NSUN6: variants seen among roughly 807,000 people sequenced by gnomAD.
NSUN6 encodes tRNA (cytosine(72)-C(5))-methyltransferase NSUN6.
In NSUN6, 64 loss-of-function variants were observed where a neutral mutation model predicts 58.0. The ratio of observed to expected loss-of-function variants is 1.10; its 90% confidence interval spans 0.90 to 1.36. NSUN6 has a LOEUF of 1.36. Ranked by LOEUF, NSUN6 falls within the 40% of genes most tolerant of loss-of-function variation. The pLI, the probability that NSUN6 is intolerant of heterozygous loss-of-function variation, is 0.00. For synonymous variants in NSUN6, 231 were observed against 193.9 expected, an observed-to-expected ratio of 1.19 and a Z score of -1.59; for missense variants, 701 against 550.1, an observed-to-expected ratio of 1.27 and a Z score of -2.74.
intron 3 of NSUN6, among the ~76,000 whole-genome samples, chr10:18,634,552 C>A (rs1258057834): frequency 6.6e-5 from 10 of 151,422 alleles, no homozygotes; most frequent in Non-Finnish European, 1.2e-4. Context: ...GAGATTGAGA[C>A]CATCCCGGCT....
intron 6 of NSUN6, among the ~76,000 whole-genome samples, chr10:18,601,740 C>T (rs1398787120): frequency 6.6e-6 from 1 of 151,976 alleles, no homozygotes; most frequent in Non-Finnish European, 1.5e-5. Context: ...CCCAGGACTT[C>T]GGGAAGCTGA....
rs1316638916 is a variant in NSUN6, at chr10:18,561,740, A to G, written c.923-9769T>C. Among the ~76,000 whole-genome samples, 217 of 149,784 alleles carry G rather than the reference A, an allele frequency of 1.4e-3. 2 individuals are homozygous for G. Among genetic ancestry groups the G allele is most frequent in the African/African-American group, 5.0e-3 (203 of 40,374 alleles). On this transcript the variant is annotated intron_variant, in intron 8 of 10. Coordinates refer to ENST00000377304, the MANE Select transcript of NSUN6 (RefSeq NM_182543.5). ...TGGAGAAAGGAATAGAATATGGAAT[A>G]GAATGGAGAAAGGAATAGAATATGG...
rs751530253 is a variant in NSUN6 at position 18,545,942 on chromosome 10, T to C, written c.1401A>G (p.Lys467=). 1.7e-5 allele frequency: 27 copies of C among 1,564,632 alleles called. No individual in the cohort carries two copies. Among genetic ancestry groups the C allele is most frequent in the Non-Finnish European group, 2.3e-5 (27 of 1,150,074 alleles). Residue 467 remains lysine (K), a synonymous_variant, in exon 11 of 11, where the codon AAA becomes AAG. Transcript: ENST00000377304. ...GFFIAKFVKC[K]ST is the part of the protein sequence containing the mutation. ...AGCATCCATCCCTCTCCTATGTGCT[T>C]TTGCATTTTACAAATTTTGCAATAA...
intron 3 of NSUN6, among the ~76,000 whole-genome samples, chr10:18,619,573 A>G (rs2058528400): frequency 6.6e-6 from 1 of 152,136 alleles, no homozygotes; most frequent in African/African-American, 2.4e-5. Flanking sequence ...CCTCTAATAT[A>G]TCAACTACAT....
intron 8 of NSUN6, among the ~76,000 whole-genome samples, chr10:18,576,768 C>A (rs943802671): frequency 6.6e-6 from 1 of 152,142 alleles, no homozygotes; most frequent in African/African-American, 2.4e-5. Flanking sequence ...TGTTCGTCCC[C>A]GAGCAGATTG....
At chr10:18,574,188 G>GCATC (rs1180972510) in intron 8 of NSUN6, among the ~76,000 whole-genome samples, 4 of 152,158 alleles carry the variant, frequency 2.6e-5, no homozygotes, top group Middle Eastern at 3.4e-3. Context: ...TGGCCTCAAT[G>GCATC]CATCCAGTCC....
intron 3 of NSUN6, among the ~76,000 whole-genome samples, chr10:18,637,009 C>T (rs1470104709): frequency 6.8e-6 from 1 of 146,232 alleles, no homozygotes; most frequent in African/African-American, 2.5e-5. Context: ...ATCGTCCGGG[C>T]TCCAGTGCAA....
intron 5 of NSUN6, among the ~76,000 whole-genome samples, chr10:18,611,251 A>C (rs900762832): frequency 2.0e-5 from 3 of 152,166 alleles, no homozygotes; most frequent in Admixed American, 6.5e-5. Flanking sequence ...TTAAGGGTAC[A>C]ATCCAAGGAG....
intron 7 of NSUN6, among the ~76,000 whole-genome samples, chr10:18,595,314 C>G (rs1033242402): frequency 6.6e-6 from 1 of 152,222 alleles, no homozygotes; most frequent in African/African-American, 2.4e-5. Context: ...AATATCCAGA[C>G]TCCCTTTGGA....
chr10:18,650,516 C>T (rs767769480), intron 1 of NSUN6, among the ~76,000 whole-genome samples: 116 of 152,290 alleles, frequency 7.6e-4, no homozygotes, highest in Non-Finnish European at 1.0e-3. Context: ...ACGTAATTTA[C>T]AAAGCACTAG....
At chr10:18,566,898 A>T (rs879565366) in intron 8 of NSUN6, among the ~76,000 whole-genome samples, 3 of 131,694 alleles carry the variant, frequency 2.3e-5, no homozygotes, top group Admixed American at 7.8e-5. Context: ...ATTCCTTTCC[A>T]TTGTCCATTC....
Position 18,546,643 on chromosome 10 carries a change from C to T in NSUN6, c.1198-498G>A, listed in dbSNP as rs550761275. ...CTATAATCCCAGCACTTAGGGAGGC[C>T]GAGGCGGGCTGATTACCTGAGGTCA... On this transcript the variant is annotated intron_variant, in intron 10 of 10. Transcript: ENST00000377304. Among the ~76,000 whole-genome samples the T allele has an allele frequency of 5.3e-5, 8 of 152,114 alleles. No individual in the cohort carries two copies. In the East Asian group the frequency reaches 5.8e-4, roughly 11 times the overall value.
chr10:18,550,368 G>T (rs546508059), intron 9 of NSUN6, among the ~76,000 whole-genome samples: 1 of 152,314 alleles, frequency 6.6e-6, no homozygotes, highest in East Asian at 1.9e-4. Flanking sequence ...CTTTGTATAT[G>T]AAAGGAAACA....
chr10:18,581,696 T>C (rs2056911397), intron 8 of NSUN6, among the ~76,000 whole-genome samples: 1 of 151,834 alleles, frequency 6.6e-6, no homozygotes, highest in Admixed American at 6.6e-5. Context: ...TGCGGTGGCA[T>C]GCGCCTGTAG....
At chr10:18,654,897 A>T (rs528396867), upstream of NSUN6, 48 of 188,664 alleles carry the variant, frequency 2.5e-4, no homozygotes, top group East Asian at 2.8e-3. Context: ...AAATAAAATT[A>T]AAAAGTCTGG....
chr10:18,636,324 T>C (rs1223072858), intron 3 of NSUN6, among the ~76,000 whole-genome samples: 1 of 150,644 alleles, frequency 6.6e-6, no homozygotes, highest in Non-Finnish European at 1.5e-5. Flanking sequence ...TGAATTATAC[T>C]TGGGAAATAA....
At chr10:18,650,310 T>C (rs528432266) in intron 1 of NSUN6, among the ~76,000 whole-genome samples, 1 of 152,092 alleles carries the variant, frequency 6.6e-6, no homozygotes, top group African/African-American at 2.4e-5. Flanking sequence ...TAAAATGGAA[T>C]AGACAACAGG....
intron 6 of NSUN6, among the ~76,000 whole-genome samples, chr10:18,605,059 G>C (rs1475104419): frequency 6.6e-6 from 1 of 151,320 alleles, no homozygotes; most frequent in Non-Finnish European, 1.5e-5. Context: ...CTAATTTTTT[G>C]TATTTTTAGT....
chr10:18,554,420 G>C (rs567475391), intron 8 of NSUN6, among the ~76,000 whole-genome samples: 1 of 151,440 alleles, frequency 6.6e-6, no homozygotes, highest in African/African-American at 2.4e-5. Context: ...ATAGAGAATG[G>C]AATGGAACGG....
Sources: allele counts gnomAD v4.1 joint callset (sites outside exome capture counted in the v4.1 genomes callset), GRCh38; gene constraint gnomAD v4.1.1; transcripts MANE v1.5; gene names NCBI Gene and HGNC (gene_info 2026-07-23, HGNC 2026-07-21).